Variants in CCND2 observed in about 807,000 individuals in gnomAD.
CCND2 encodes G1/S-specific cyclin-D2.
In CCND2, 6 loss-of-function variants were observed where a neutral mutation model predicts 30.2. The ratio of observed to expected loss-of-function variants is 0.20; its 90% CI spans 0.11 to 0.39. The LOEUF is 0.39. Ranked by LOEUF, CCND2 falls within the 10% of genes least tolerant of loss-of-function variation. The probability of loss-of-function intolerance (pLI) is 1.00; values close to 1 mark genes in which losing one functional copy is unlikely to be tolerated. For missense variants in CCND2, 235 were observed against 373.4 expected (o/e 0.63, Z 3.06); for synonymous variants, 150 against 153.1 (o/e 0.98, Z 0.15).
rs549964862 is a variant in CCND2 at position 4,285,924 on chromosome 12, G to A, written c.572-2918G>A. Among the ~76,000 whole-genome samples, 282 of 152,254 alleles carry A rather than the reference G, an allele frequency of 1.9e-3. No homozygotes were observed. The highest frequency in any genetic ancestry group is 6.5e-3 in the African/African-American group (271 of 41,536). Reference sequence around the variant, plus strand: ...AGAGGGCTGCTTTGTGAATTTGCCGGCTGGTAGACACCGTGATCCATTCTA... The same window carrying A: ...AGAGGGCTGCTTTGTGAATTTGCCGACTGGTAGACACCGTGATCCATTCTA... On this transcript the variant is annotated intron_variant, in intron 3 of 4. Coordinates refer to ENST00000261254, the MANE Select transcript of CCND2 (RefSeq NM_001759.4). The surrounding 1 kb of genome is among the most constrained non-coding windows in gnomAD (Gnocchi z 4.1).
At position 4,278,782 on chromosome 12, in the gene CCND2, G is replaced by A. The variant is rs1219347646; in HGVS notation, c.434G>A (p.Gly145Glu). Residue 145 changes from glycine to glutamate, a missense_variant, in exon 3 of 5, where the codon GGG becomes GAG. Gly to Glu is a moderately conservative substitution (Grantham distance 98, BLOSUM62 -2). This residue lies in a region of CCND2 where 178 missense variants were observed against 322.8 expected (regional missense o/e 0.55). Coordinates refer to ENST00000261254, the MANE Select transcript of CCND2 (RefSeq NM_001759.4). ...ELLEWELVVL[G>E]KLKWNLAAVT... ...CAGGAGTGGGAACTGGTGGTGCTGG[G>A]GAAGTTGAAGTGGAACCTGGCAGCT... 1 of 1,614,164 alleles carries A rather than the reference G, an allele frequency of 6.2e-7. No individual in the cohort carries two copies.
At chr12:4,275,962 C>A in intron 1 of CCND2, 43 bp from the exon 2 acceptor site, 1 of 1,177,252 alleles carries the variant, frequency 8.5e-7, no homozygotes, top group Non-Finnish European at 1.2e-6. Context: ...TGATGCTATG[C>A]TCTCCACCCC....
At chr12:4,278,294 A>T (rs1262506896) in intron 2 of CCND2, among the ~76,000 whole-genome samples, 3 of 152,190 alleles carry the variant, frequency 2.0e-5, no homozygotes, top group African/African-American at 7.2e-5. Context: ...CCTTATTTTG[A>T]GCTTTATCTG....
rs947112623 is a variant in CCND2, at chr12:4,299,491, G to T, written c.721-369G>T. 1.3e-5 allele frequency among the ~76,000 whole-genome samples: 2 copies of T among 152,084 alleles called. No homozygotes were observed. The highest frequency in any genetic ancestry group is 2.9e-5 in the Non-Finnish European group (2 of 68,012). ...CTCTGCCACTTCCCAGCTTCCCCAGGCAGAAAGCATCTGGTCGGCCCCTTG... is the reference window on the plus strand; with the variant it reads ...CTCTGCCACTTCCCAGCTTCCCCAGTCAGAAAGCATCTGGTCGGCCCCTTG... On this transcript the variant is annotated intron_variant, in intron 4 of 4. Coordinates refer to ENST00000261254, the MANE Select transcript of CCND2 (RefSeq NM_001759.4). This position sits in a 1 kb window ranked among gnomAD's most constrained non-coding sequence, Gnocchi z 5.2.
Position 4,300,476 on chromosome 12 carries a change from TAAG to T in CCND2, c.*468_*470del, listed in dbSNP as rs1357865681. ...CAATGAACTCAAGAAGGAATTGAAA[TAAG>T]GAGGGACATGATGGGGAAGGAGTAC... On this transcript the variant is annotated 3_prime_UTR_variant, in exon 5 of 5. Coordinates refer to ENST00000261254, the MANE Select transcript of CCND2 (RefSeq NM_001759.4). 1 of 236,236 alleles carries T rather than the reference TAAG, an allele frequency of 4.2e-6. No homozygotes were observed. Among genetic ancestry groups the T allele is most frequent in the Non-Finnish European group, 8.3e-6 (1 of 119,788 alleles). 14.6% of individuals were successfully genotyped at this position (236,236 alleles called of 1,614,324 possible).
rs201029184 is a variant in CCND2 at position 4,300,026 on chromosome 12, G to A, written c.*17G>A. On this transcript the variant is annotated 3_prime_UTR_variant, in exon 5 of 5. Transcript: ENST00000261254. ...GACCTGTGAGGATGCCAGTTGGGCC[G>A]AAAGAGAGAGACGCGTCCATAATCT... 109 of 1,609,370 alleles carry A rather than the reference G, an allele frequency of 6.8e-5. No individual in the cohort carries two copies. The highest frequency in any genetic ancestry group is 1.7e-4 in the Middle Eastern group (1 of 6,052).
intron 4 of CCND2, among the ~76,000 whole-genome samples, chr12:4,298,653 A>T (rs1271854652): frequency 1.3e-5 from 2 of 152,244 alleles, no homozygotes; most frequent in Non-Finnish European, 2.9e-5. Context: ...GGAAGTTTAT[A>T]TTAAACTATG....
chr12:4,286,520 G>A (rs368759854), intron 3 of CCND2, among the ~76,000 whole-genome samples: 2 of 152,206 alleles, frequency 1.3e-5, no homozygotes, highest in South Asian at 2.1e-4. Flanking sequence ...CACGGCCGCC[G>A]TCCTCGTCTC....
intron 2 of CCND2, 80 bp from the exon 3 acceptor site, chr12:4,278,680 G>T: frequency 6.7e-7 from 1 of 1,486,180 alleles, no homozygotes; most frequent in South Asian, 1.2e-5. Context: ...AACTGGTCTG[G>T]AGCCCAACCC....
rs1438593744 is a variant in CCND2, at chr12:4,302,314, A to G, written c.*2305A>G. Reference sequence around the variant, plus strand: ...GTACAAACATTTATGCGGTAGGCTCAGATGTCGTAATTTGCACTTAGGTAC... The same window carrying G: ...GTACAAACATTTATGCGGTAGGCTCGGATGTCGTAATTTGCACTTAGGTAC... On this transcript the variant is annotated 3_prime_UTR_variant, in exon 5 of 5. Coordinates refer to ENST00000261254, the MANE Select transcript of CCND2 (RefSeq NM_001759.4). 6.4e-5 allele frequency: 15 copies of G among 232,986 alleles called. No individual in the cohort carries two copies. In the Admixed American group the frequency reaches 8.4e-4, roughly 13 times the overall value. The allele number at this position is 232,986 out of a possible 1,614,324, so 14.4% of individuals were successfully genotyped here.
In CCND2 at chr12:4,273,767, G is replaced by C; in HGVS notation, c.-274G>C. 3.9e-6 allele frequency: 2 copies of C among 516,606 alleles called. No individual in the cohort carries two copies. The highest frequency in any genetic ancestry group is 6.8e-6 in the Non-Finnish European group (2 of 292,032). The allele number at this position is 516,606 out of a possible 1,614,324, so 32.0% of individuals were successfully genotyped here. On this transcript the variant is annotated 5_prime_UTR_variant, in exon 1 of 5. Transcript: ENST00000261254. This position sits in a 1 kb window ranked among gnomAD's most constrained non-coding sequence, Gnocchi z 5.9. ...CCAGCTTGCGTCACCGCTTCAGAGC[G>C]GAGAAGAGCGAGCAGGGGAGAGCGA...
Position 4,282,879 on chromosome 12 carries a change from G to A in CCND2, c.571+3960G>A, listed in dbSNP as rs1480010029. On this transcript the variant is annotated intron_variant, in intron 3 of 4. Coordinates refer to ENST00000261254, the MANE Select transcript of CCND2 (RefSeq NM_001759.4). The surrounding 1 kb of genome is among the most constrained non-coding windows in gnomAD (Gnocchi z 4.3). ...GTGCCCAGTGACGTCCCTGGCCTGT[G>A]AACACTCTGGTTCTGGCCCTTTGAA... Among the ~76,000 whole-genome samples, 1 of 152,218 alleles carries A rather than the reference G, an allele frequency of 6.6e-6. No homozygotes were observed. Among genetic ancestry groups the A allele is most frequent in the East Asian group, 1.9e-4 (1 of 5,198 alleles).
At position 4,300,217 on chromosome 12, in the gene CCND2, C is replaced by T; in HGVS notation, c.*208C>T. ...AAGCATTTGGTGCCTATTTGAAGTA[C>T]AGCATAAGGGAATCCCTTGTATATG... On this transcript the variant is annotated 3_prime_UTR_variant, in exon 5 of 5. Transcript: ENST00000261254. The T allele has an allele frequency of 3.7e-6, 2 of 546,932 alleles. No individual in the cohort carries two copies. Among genetic ancestry groups the T allele is most frequent in the South Asian group, 2.6e-5 (1 of 37,960 alleles). 33.9% of individuals were successfully genotyped at this position (546,932 alleles called of 1,614,324 possible).
intron 4 of CCND2, among the ~76,000 whole-genome samples, chr12:4,295,728 G>A (rs896544997): frequency 5.3e-5 from 8 of 152,218 alleles, no homozygotes; most frequent in Non-Finnish European, 1.0e-4. Flanking sequence ...AGTGAGCCGA[G>A]ATCGCACCAT....
chr12:4,297,115 A>T (rs12299509), intron 4 of CCND2, among the ~76,000 whole-genome samples: 2 of 152,032 alleles, frequency 1.3e-5, no homozygotes. Context: ...TTCCTCTCTG[A>T]TGTAGAACCT....
chr12:4,284,769 C>T (rs1220847927), intron 3 of CCND2, among the ~76,000 whole-genome samples: 1 of 136,144 alleles, frequency 7.3e-6, no homozygotes, highest in Non-Finnish European at 1.5e-5. Context: ...GACAGTCTTG[C>T]TCTGTCACCC....
At chr12:4,286,694 G>A (rs186620598) in intron 3 of CCND2, among the ~76,000 whole-genome samples, 1 of 152,356 alleles carries the variant, frequency 6.6e-6, no homozygotes, top group East Asian at 1.9e-4. Flanking sequence ...AAAACAAAAA[G>A]GGAGGTAGAG....
At chr12:4,275,073 G>A (rs957443580) in intron 1 of CCND2, 2 of 152,224 alleles carry the variant, frequency 1.3e-5, no homozygotes, top group African/African-American at 4.8e-5. Context: ...GGTAGGAAGG[G>A]GGGGAGGGGG....
rs1169578010 is a variant in CCND2, at chr12:4,301,647, G to C, written c.*1638G>C. On this transcript the variant is annotated 3_prime_UTR_variant, in exon 5 of 5. Coordinates refer to ENST00000261254, the MANE Select transcript of CCND2 (RefSeq NM_001759.4). Reference sequence around the variant, plus strand: ...GGTTGAAGACGGAAAACAATCTAAGGGTCTCTCATTTTTTTAATTTTGTTT... The same window carrying C: ...GGTTGAAGACGGAAAACAATCTAAGCGTCTCTCATTTTTTTAATTTTGTTT... 1 of 231,002 alleles carries C rather than the reference G, an allele frequency of 4.3e-6. No individual in the cohort carries two copies. Among genetic ancestry groups the C allele is most frequent in the East Asian group, 6.1e-5 (1 of 16,388 alleles). The allele number at this position is 231,002 out of a possible 1,614,324, so 14.3% of individuals were successfully genotyped here. A position where few individuals can be genotyped will look rare whatever the true frequency, so the allele number is the denominator to read the frequency against.
Sources: gnomAD v4.1 joint callset for allele counts (sites outside exome capture counted in the v4.1 genomes callset) on GRCh38, gnomAD v4.1.1 for gene constraint, gnomAD v4.1.1 regional missense constraint, Gnocchi (gnomAD v3.1) non-coding constraint, MANE v1.5 for transcripts, NCBI Gene and HGNC (gene_info 2026-07-23, HGNC 2026-07-21) for gene names.